The following ELMO1 variants were observed in gnomAD, a reference collection of about 807,000 sequenced individuals.
ELMO1 encodes the protein engulfment and cell motility protein 1.
Under a neutral mutation model 98.9 loss-of-function variants are expected in ELMO1, and 26 were observed. The observed-to-expected ratio is 0.26, with a 90% confidence interval of 0.19 to 0.36. The LOEUF (loss-of-function observed/expected upper bound fraction) is 0.36. ELMO1 is among the 10% of genes least tolerant of loss of function. The pLI is 1.00. For missense variants in ELMO1, 627 were observed against 935.2 expected, an observed-to-expected ratio of 0.67 and a Z score of 4.30; for synonymous variants, 346 against 346.0, an observed-to-expected ratio of 1.00 and a Z score of 0.00.
chr7:36,950,093 T>C (rs1384160279), intron 16 of ELMO1, among the ~76,000 whole-genome samples: 2 of 152,010 alleles, frequency 1.3e-5, no homozygotes, highest in East Asian at 3.9e-4. Flanking sequence ...CATTTAAATC[T>C]AGAAGATACA....
intron 13 of ELMO1, among the ~76,000 whole-genome samples, chr7:37,155,503 A>AAAAAAAAAAAAAATAAAAAAT (rs61189239): frequency 7.6e-6 from 1 of 131,738 alleles, no homozygotes; most frequent in Non-Finnish European, 1.6e-5. Flanking sequence ...AAAAAAAAAA[A>AAAAAAAAAAAAAATAAAAAAT]AAAAAGCAGG....
chr7:36,927,207 C>A (rs1461810917), intron 16 of ELMO1, among the ~76,000 whole-genome samples: 1 of 152,120 alleles, frequency 6.6e-6, no homozygotes, highest in Non-Finnish European at 1.5e-5. Context: ...ACACCAAGAA[C>A]CTAGATTATC....
intron 20 of ELMO1, among the ~76,000 whole-genome samples, chr7:36,863,239 T>C (rs1381861715): frequency 6.6e-6 from 1 of 152,220 alleles, no homozygotes; most frequent in African/African-American, 2.4e-5. Context: ...CCTCATTTTC[T>C]ATTCTTCTTT....
chr7:37,186,506 C>T (rs1243705663), intron 13 of ELMO1, among the ~76,000 whole-genome samples: 1 of 152,106 alleles, frequency 6.6e-6, no homozygotes, highest in Non-Finnish European at 1.5e-5. Context: ...CTTCAAAAGA[C>T]ACTCTCAAGA....
chr7:37,362,538 T>A (rs1801738716), intron 1 of ELMO1, among the ~76,000 whole-genome samples: 1 of 152,142 alleles, frequency 6.6e-6, no homozygotes, highest in South Asian at 2.1e-4. Flanking sequence ...GGTAGTCTCA[T>A]CCAATCCCAT....
intron 11 of ELMO1, among the ~76,000 whole-genome samples, chr7:37,215,558 TCTC>T (rs1156518830): frequency 6.6e-6 from 1 of 152,264 alleles, no homozygotes; most frequent in East Asian, 1.9e-4. Context: ...GGACCACTGT[TCTC>T]CTGCCCTAAC....
chr7:37,444,942 C>T (rs901713602), intron 1 of ELMO1, among the ~76,000 whole-genome samples: 1 of 152,220 alleles, frequency 6.6e-6, no homozygotes, highest in African/African-American at 2.4e-5. Context: ...CTAAGTATTT[C>T]TTGTAGCCCT....
chr7:37,225,111 C>T (rs1793794468), intron 8 of ELMO1, 81 bp from the exon 9 acceptor site: 15 of 1,547,304 alleles, frequency 9.7e-6, no homozygotes, highest in South Asian at 9.4e-5. Context: ...TGAATCAAAT[C>T]GGGAACTCAT....
At chr7:37,350,966 G>C (rs961670343) in intron 1 of ELMO1, among the ~76,000 whole-genome samples, 1 of 152,184 alleles carries the variant, frequency 6.6e-6, no homozygotes, top group Admixed American at 6.5e-5. Context: ...CTCCGTAACA[G>C]TGAGAAAACC....
intron 4 of ELMO1, among the ~76,000 whole-genome samples, chr7:37,291,788 G>A (rs975383398): frequency 6.6e-6 from 1 of 152,136 alleles, no homozygotes; most frequent in Non-Finnish European, 1.5e-5. Context: ...GGGGGTGGGT[G>A]CCTGTAGTCC....
chr7:37,163,926 T>G (rs1023880407), intron 13 of ELMO1, among the ~76,000 whole-genome samples: 1 of 152,210 alleles, frequency 6.6e-6, no homozygotes, highest in Non-Finnish European at 1.5e-5. Context: ...GACTTCCACA[T>G]TGGTTGAACT....
At chr7:36,905,457 T>C (rs1002389689) in intron 16 of ELMO1, among the ~76,000 whole-genome samples, 70 of 152,186 alleles carry the variant, frequency 4.6e-4, no homozygotes, top group Non-Finnish European at 1.6e-4. Context: ...AAGAAGTACC[T>C]GAGACTGGAT....
chr7:37,400,559 G>A (rs1226831125), intron 1 of ELMO1, among the ~76,000 whole-genome samples: 2 of 152,038 alleles, frequency 1.3e-5, no homozygotes, highest in Non-Finnish European at 2.9e-5. Context: ...ATACTATATC[G>A]TATATTAAAT....
intron 16 of ELMO1, among the ~76,000 whole-genome samples, chr7:36,988,322 T>C (rs966927090): frequency 6.6e-6 from 1 of 152,226 alleles, no homozygotes; most frequent in African/African-American, 2.4e-5. Context: ...ACCCACCCTT[T>C]GCCTTCCCAT....
At chr7:37,212,405 C>A (rs1021625232) in intron 12 of ELMO1, among the ~76,000 whole-genome samples, 1 of 152,124 alleles carries the variant, frequency 6.6e-6, no homozygotes. Flanking sequence ...TATCCCACCA[C>A]AATAAAATAC....
At chr7:36,884,443 T>G (rs759648154) in intron 18 of ELMO1, among the ~76,000 whole-genome samples, 2 of 152,230 alleles carry the variant, frequency 1.3e-5, no homozygotes, top group Non-Finnish European at 2.9e-5. Context: ...TTACCCCTTA[T>G]GGCTATTTGA....
At chr7:37,025,508 C>G (rs558551746) in intron 15 of ELMO1, among the ~76,000 whole-genome samples, 1 of 152,246 alleles carries the variant, frequency 6.6e-6, no homozygotes, top group South Asian at 2.1e-4. Context: ...GATAGCTCTT[C>G]CCAAGGTGTG....
chr7:37,385,622 C>T (rs1402621059), intron 1 of ELMO1, among the ~76,000 whole-genome samples: 1 of 152,164 alleles, frequency 6.6e-6, no homozygotes, highest in Non-Finnish European at 1.5e-5. Flanking sequence ...TTTCTGGATC[C>T]CTGAATAGAA....
At chr7:36,914,865 G>A (rs1784580767) in intron 16 of ELMO1, among the ~76,000 whole-genome samples, 1 of 151,744 alleles carries the variant, frequency 6.6e-6, no homozygotes, top group Non-Finnish European at 1.5e-5. Context: ...TCAGACACAT[G>A]AGTAAACTGC....
Sources: gnomAD v4.1 joint callset for allele counts (sites outside exome capture counted in the v4.1 genomes callset) on GRCh38, gnomAD v4.1.1 for gene constraint, MANE v1.5 for transcripts, NCBI Gene and HGNC (gene_info 2026-07-23, HGNC 2026-07-21) for gene names.